Variants in ADGRV1 observed in about 807,000 individuals in gnomAD.
The protein encoded by ADGRV1 is adhesion G protein-coupled receptor V1, also known as G-protein coupled receptor 98.
ADGRV1 carries 359 observed loss-of-function variants against 596.2 expected under a neutral mutation model. That is an observed-to-expected ratio of 0.60 (90% CI 0.55 to 0.66). The LOEUF (loss-of-function observed/expected upper bound fraction) is 0.66. Ranked by LOEUF, ADGRV1 falls within the 30% of genes least tolerant of loss-of-function variation. ADGRV1 has a pLI of 0.00. For synonymous variants in ADGRV1, 2,681 were observed against 2,679.2 expected, an observed-to-expected ratio of 1.00 and a Z score of -0.02; for missense variants, 7,274 against 7,575.6, an observed-to-expected ratio of 0.96 and a Z score of 1.48.
chr5:90,644,144 A>G (rs963969741), intron 14 of ADGRV1, among the ~76,000 whole-genome samples, 161 bp downstream of exon 14: 8 of 152,138 alleles, frequency 5.3e-5, no homozygotes, highest in Admixed American at 1.3e-4. Context: ...TAGGACCATG[A>G]TTTTTATTTC....
intron 70 of ADGRV1, among the ~76,000 whole-genome samples, chr5:90,799,407 A>G (rs1373366417): frequency 6.6e-6 from 1 of 152,244 alleles, no homozygotes; most frequent in Non-Finnish European, 1.5e-5. Flanking sequence ...ACCACAAACC[A>G]CTGCTCAAGG....
intron 83 of ADGRV1, among the ~76,000 whole-genome samples, chr5:90,930,971 C>G (rs1775194530): frequency 6.6e-6 from 1 of 152,140 alleles, no homozygotes; most frequent in Admixed American, 6.5e-5. Flanking sequence ...AAGAAAACTT[C>G]TGAACTTGTG....
At position 90,745,201 on chromosome 5, in the gene ADGRV1, G is replaced by C; in HGVS notation, c.10705G>C (p.Val3569Leu). 1.2e-6 allele frequency: 2 copies of C among 1,612,212 alleles called. No individual in the cohort carries two copies. The highest frequency in any genetic ancestry group is 1.7e-6 in the Non-Finnish European group (2 of 1,179,480). Residue 3569 changes from valine (V) to leucine (L), a missense_variant, in exon 51 of 90, where the codon GTG (valine) becomes CTG (leucine). Around this residue, in one of 5 missense-constraint regions of ADGRV1, gnomAD observed 3,643 missense variants for 3,809.2 expected, o/e 0.96. Coordinates refer to ENST00000405460, the MANE Select transcript of ADGRV1 (RefSeq NM_032119.4). ...TTCAAGCAAGAATTTAATAGCTCTA[G>C]TGGGAGCTCATTCACATATATATGA... ...LNSSKNLIAL[V>L]GAHSHIYELA...
rs748241862 is a variant in ADGRV1 at position 90,811,225 on chromosome 5, C to T, written c.15965C>T (p.Pro5322Leu). 6.2e-7 allele frequency: 1 copy of T among 1,612,760 alleles called. No homozygotes were observed. The change falls in exon 74 of 90, where the codon CCT becomes CTT. Residue 5322 changes from proline (P) to leucine (L), a missense_variant. Transcript: ENST00000405460. ...GTTCAAATTTTGGATGATGATGAGC[C>T]TGAGGGGCAGGAATTCTTCTACGTG... is the stretch of plus-strand genomic sequence containing the variant. The part of the protein sequence containing the change: ...VSVQILDDDE[P>L]EGQEFFYVFL...
intron 71 of ADGRV1, among the ~76,000 whole-genome samples, chr5:90,804,510 C>T (rs1761715257): frequency 6.6e-6 from 1 of 152,124 alleles, no homozygotes; most frequent in Non-Finnish European, 1.5e-5. Context: ...CAGAAGTTAT[C>T]CTGCGGAACC....
At chr5:90,809,293 T>TACACACACACACAA (rs1554124352) in intron 73 of ADGRV1, among the ~76,000 whole-genome samples, 1 of 134,538 alleles carries the variant, frequency 7.4e-6, no homozygotes, top group East Asian at 2.2e-4. Flanking sequence ...CGGGCATAAA[T>TACACACACACACAA]ACACACACAC....
intron 86 of ADGRV1, among the ~76,000 whole-genome samples, chr5:91,094,997 C>G (rs1790731983): frequency 6.6e-6 from 1 of 152,132 alleles, no homozygotes; most frequent in Non-Finnish European, 1.5e-5. Context: ...GCAACCGTAT[C>G]TGGAGACAGA....
At chr5:90,596,315 C>T (rs1243600699) in intron 1 of ADGRV1, among the ~76,000 whole-genome samples, 1 of 148,658 alleles carries the variant, frequency 6.7e-6, no homozygotes, top group Non-Finnish European at 1.5e-5. Flanking sequence ...ACTGGGCAAC[C>T]AGGCAGAGGG....
chr5:90,908,948 G>T (rs6452914), intron 83 of ADGRV1, among the ~76,000 whole-genome samples: 59,076 of 152,040 alleles, frequency 0.39, 13,925 homozygotes, highest in Non-Finnish European at 0.54. Flanking sequence ...GGAGGAAGTA[G>T]GATTTTAGAG....
intron 77 of ADGRV1, among the ~76,000 whole-genome samples, chr5:90,829,887 C>G (rs1057126767): frequency 2.0e-5 from 3 of 152,136 alleles, no homozygotes; most frequent in Admixed American, 1.3e-4. Flanking sequence ...CCTTAGTCCT[C>G]TCTTTGTTCC....
At chr5:90,765,312 G>A (rs559406102) in intron 59 of ADGRV1, among the ~76,000 whole-genome samples, 1 of 152,184 alleles carries the variant, frequency 6.6e-6, no homozygotes, top group South Asian at 2.1e-4. Context: ...GCCACACCTC[G>A]AGAGCTGTCT....
At chr5:90,632,150 T>G (rs915547123) in intron 9 of ADGRV1, among the ~76,000 whole-genome samples, 9 of 152,148 alleles carry the variant, frequency 5.9e-5, no homozygotes, top group Non-Finnish European at 1.2e-4. Context: ...TTTTGGGATT[T>G]TTTTGGTCTT....
At chr5:91,122,077 G>A (rs1350350332) in intron 87 of ADGRV1, among the ~76,000 whole-genome samples, 1 of 152,110 alleles carries the variant, frequency 6.6e-6, no homozygotes, top group Non-Finnish European at 1.5e-5. Context: ...AAACAAGAAA[G>A]ACTAGATTGT....
intron 1 of ADGRV1, among the ~76,000 whole-genome samples, chr5:90,583,094 G>A (rs576690096): frequency 1.3e-4 from 20 of 152,048 alleles, no homozygotes; most frequent in Admixed American, 6.5e-4. Context: ...ATCATTGTGT[G>A]GCAGTTTTAT....
chr5:90,646,019 G>A lies in ADGRV1; in HGVS notation c.2950G>A (p.Gly984Arg). 1 of 1,606,480 alleles carries A rather than the reference G, an allele frequency of 6.2e-7. No individual in the cohort carries two copies. Among genetic ancestry groups the A allele is most frequent in the Non-Finnish European group, 8.5e-7 (1 of 1,175,638 alleles). ...CGTTATCCTACTGAATGGCACTGGA[G>A]GAGCTAAAGTGGGAAATAGAACAAC... ...FTVILLNGTG[G>R]AKVGNRTTAT... Residue 984 changes from glycine to arginine, a missense_variant, in exon 16 of 90, where the codon GGA (glycine) becomes AGA (arginine). By Grantham distance (125) the Gly-to-Arg change is moderately radical. Transcript: ENST00000405460.
chr5:90,573,559 G>C (rs956220097), intron 1 of ADGRV1, among the ~76,000 whole-genome samples: 3 of 152,104 alleles, frequency 2.0e-5, no homozygotes, highest in Admixed American at 2.0e-4. Flanking sequence ...CCTAGAAAAG[G>C]TGTAGTAAAA....
chr5:91,088,644 AG>A (rs935424423), intron 86 of ADGRV1, among the ~76,000 whole-genome samples: 5 of 152,162 alleles, frequency 3.3e-5, no homozygotes, highest in South Asian at 4.1e-4. Flanking sequence ...ACTCTTAAAA[AG>A]AAAAATGGAA....
chr5:90,783,092 G>A (rs1264941864), intron 65 of ADGRV1, 32 bp from the exon 66 acceptor site: 3 of 1,582,072 alleles, frequency 1.9e-6, no homozygotes, highest in Middle Eastern at 1.7e-4. Context: ...GCTCTGTCTG[G>A]CTTACCAATT....
In ADGRV1 at chr5:90,805,338, C is replaced by T. The variant is rs1205719395; in HGVS notation, c.14716C>T (p.His4906Tyr). 6.2e-7 allele frequency: 1 copy of T among 1,612,540 alleles called. No homozygotes were observed. The highest frequency in any genetic ancestry group is 2.2e-5 in the East Asian group (1 of 44,862). ...QLMNITAGTS[H>Y]VMISRRGTYG... Reference sequence around the variant, plus strand: ...CATGAACATCACTGCTGGCACAAGCCACGTTATGATTTCTAGGAGAGGCAC... The same window carrying T: ...CATGAACATCACTGCTGGCACAAGCTACGTTATGATTTCTAGGAGAGGCAC... Residue 4906 changes from histidine (H) to tyrosine (Y), a missense_variant, in exon 72 of 90, where the codon CAC becomes TAC. Physicochemically the swap from His to Tyr is moderately conservative, Grantham distance 83. Coordinates refer to ENST00000405460, the MANE Select transcript of ADGRV1 (RefSeq NM_032119.4).
Sources: allele counts gnomAD v4.1 joint callset (sites outside exome capture counted in the v4.1 genomes callset), GRCh38; gene constraint gnomAD v4.1.1; regional missense constraint gnomAD v4.1.1; transcripts MANE v1.5; gene names NCBI Gene and HGNC (gene_info 2026-07-23, HGNC 2026-07-21).